Variants in CENPF observed in about 807,000 individuals in gnomAD.
CENPF encodes the protein centromere protein F.
CENPF carries 214 observed loss-of-function variants against 307.3 expected under a neutral mutation model. The observed-to-expected ratio is 0.70, with a 90% CI of 0.62 to 0.78. The LOEUF is 0.78. CENPF is among the 30% of genes least tolerant of loss of function. The pLI, the probability that CENPF is intolerant of heterozygous loss-of-function variation, is 0.00. For synonymous variants in CENPF, 1,259 were observed against 1,270.6 expected, an observed-to-expected ratio of 0.99 and a Z score of 0.19; for missense variants, 3,401 against 3,483.9, an observed-to-expected ratio of 0.98 and a Z score of 0.60.
chr1:214,609,443 C>T (rs893766674), intron 1 of CENPF, among the ~76,000 whole-genome samples: 1 of 152,036 alleles, frequency 6.6e-6, no homozygotes, highest in Non-Finnish European at 1.5e-5. Flanking sequence ...AGAAAAGTTT[C>T]CCAGAGGAAG....
At chr1:214,619,341 C>A in intron 5 of CENPF, 121 bp downstream of exon 5, 1 of 529,050 alleles carries the variant, frequency 1.9e-6, no homozygotes, top group Non-Finnish European at 3.4e-6. Context: ...TGTGTGTGTG[C>A]TGAGAAAAGG....
intron 1 of CENPF, among the ~76,000 whole-genome samples, chr1:214,609,814 A>C (rs1657151712): frequency 6.6e-6 from 1 of 152,084 alleles, no homozygotes; most frequent in Non-Finnish European, 1.5e-5. Flanking sequence ...TTCTTGCATT[A>C]GTTTGCTAAG....
intron 1 of CENPF, among the ~76,000 whole-genome samples, chr1:214,612,757 C>T (rs760556033): frequency 1.6e-4 from 24 of 152,256 alleles, no homozygotes; most frequent in Admixed American, 9.8e-4. Context: ...ATTGTTACAG[C>T]GCAACTAACA....
chr1:214,664,467 T>C lies in CENPF; in HGVS notation c.*673T>C, dbSNP rs1658867595. The C allele has an allele frequency of 6.6e-6, 1 of 152,248 alleles. No homozygotes were observed. The highest frequency in any genetic ancestry group is 1.5e-5 in the Non-Finnish European group (1 of 68,046). The allele number at this position is 152,248 out of a possible 1,614,324, so 9.4% of individuals were successfully genotyped here. A position where few individuals can be genotyped will look rare whatever the true frequency, so the allele number is the denominator to read the frequency against. Reference sequence around the variant, plus strand: ...TCTGTCGTTGTGCTTTTTTCTGTTTTTAGACCAATTTTTTACAGTTCTTTG... The same window carrying C: ...TCTGTCGTTGTGCTTTTTTCTGTTTCTAGACCAATTTTTTACAGTTCTTTG... On this transcript the variant is annotated 3_prime_UTR_variant, in exon 20 of 20. Coordinates refer to ENST00000366955, the MANE Select transcript of CENPF (RefSeq NM_016343.4).
rs946290190 is a variant in CENPF at position 214,651,903 on chromosome 1, G to T, written c.8160+17G>T. The T allele has an allele frequency of 6.3e-7, 1 of 1,578,780 alleles. No individual in the cohort carries two copies. Reference sequence around the variant, plus strand: ...AACAAACAGGTGAAATGTGGGGTTTGGTTACTGGGGGAGCTGGAGAGTGTA... The same window carrying T: ...AACAAACAGGTGAAATGTGGGGTTTTGTTACTGGGGGAGCTGGAGAGTGTA... On this transcript the variant is annotated intron_variant, in intron 15 of 19. Transcript: ENST00000366955.
Position 214,632,617 on chromosome 1 carries a change from T to C in CENPF, c.1446+15T>C. On this transcript the variant is annotated intron_variant, in intron 10 of 19. Coordinates refer to ENST00000366955, the MANE Select transcript of CENPF (RefSeq NM_016343.4). ...GAAGCATGGAGGTAAGGGAGGAGGATGCCGAATTTTCTCCACTTATGTAAG... is the reference window on the plus strand; with the variant it reads ...GAAGCATGGAGGTAAGGGAGGAGGACGCCGAATTTTCTCCACTTATGTAAG... 6.2e-7 allele frequency: 1 copy of C among 1,611,034 alleles called. No individual in the cohort carries two copies.
At chr1:214,633,781 C>G (rs535174742) in intron 10 of CENPF, among the ~76,000 whole-genome samples, 2 of 152,322 alleles carry the variant, frequency 1.3e-5, no homozygotes, top group East Asian at 3.9e-4. Context: ...CATCAGCAAA[C>G]GTTTTCAAAT....
In CENPF at chr1:214,643,091, G is replaced by A. The variant is rs777581291; in HGVS notation, c.4753G>A (p.Glu1585Lys). The A allele has an allele frequency of 2.5e-6, 4 of 1,608,244 alleles. No homozygotes were observed. The highest frequency in any genetic ancestry group is 1.7e-6 in the Non-Finnish European group (2 of 1,178,542). ...IMKNKEIQELEQLLSSERQEL... is the reference protein window; with the variant it reads ...IMKNKEIQELKQLLSSERQEL... ...GAAAAATAAGGAAATTCAAGAGCTC[G>A]AGCAGTTATTAAGTTCTGAAAGGCA... is the stretch of plus-strand genomic sequence containing the variant. Residue 1585 changes from glutamate (E) to lysine (K), a missense_variant, in exon 12 of 20, where the codon GAG becomes AAG. Coordinates refer to ENST00000366955, the MANE Select transcript of CENPF (RefSeq NM_016343.4).
At chr1:214,651,203 G>T (rs1000736157) in intron 14 of CENPF, among the ~76,000 whole-genome samples, 1 of 152,140 alleles carries the variant, frequency 6.6e-6, no homozygotes, top group Non-Finnish European at 1.5e-5. Context: ...ATGCTTCCAG[G>T]GTTGGAGTTT....
intron 3 of CENPF, among the ~76,000 whole-genome samples, chr1:214,617,765 T>C (rs1245170816): frequency 1.3e-5 from 2 of 152,224 alleles, no homozygotes; most frequent in African/African-American, 4.8e-5. Flanking sequence ...ATTCTCACGA[T>C]TTGAGCCCAT....
At chr1:214,655,704 C>T (rs1658613278) in intron 17 of CENPF, among the ~76,000 whole-genome samples, 1 of 152,154 alleles carries the variant, frequency 6.6e-6, no homozygotes, top group South Asian at 2.1e-4. Context: ...GATCCTCCCA[C>T]CTCAGCCTCC....
At position 214,664,519 on chromosome 1, in the gene CENPF, A is replaced by AT. The variant is rs1036661831; in HGVS notation, c.*727dup. 2.2e-4 allele frequency: 33 copies of AT among 152,252 alleles called. No homozygotes were observed. The highest frequency in any genetic ancestry group is 7.7e-4 in the African/African-American group (32 of 41,536). The allele number at this position is 152,252 out of a possible 1,614,324, so 9.4% of individuals were successfully genotyped here. ...TAAGCATTGTCGTATCTGGTGATGGATTAACATATAGCCTTTGTTTTCTAA... is the reference window on the plus strand; with the variant it reads ...TAAGCATTGTCGTATCTGGTGATGGATTTAACATATAGCCTTTGTTTTCTAA... On this transcript the variant is annotated 3_prime_UTR_variant, in exon 20 of 20. Transcript: ENST00000366955.
rs891054620 is a variant in CENPF at position 214,646,987 on chromosome 1, A to G, written c.7417A>G (p.Ser2473Gly). ...TAAGGCCAAAGAGCAGAATCTTAGTAGTCAAGTAGAGTGTCTTGAACTTGA... is the reference window on the plus strand; with the variant it reads ...TAAGGCCAAAGAGCAGAATCTTAGTGGTCAAGTAGAGTGTCTTGAACTTGA... ...ACKAKEQNLS[S>G]QVECLELEKA... Residue 2473 changes from serine (S) to glycine (G), a missense_variant, in exon 13 of 20, where the codon AGT becomes GGT. By Grantham distance (56) the Ser-to-Gly change is moderately conservative (BLOSUM62 0). Coordinates refer to ENST00000366955, the MANE Select transcript of CENPF (RefSeq NM_016343.4). 6 of 1,613,870 alleles carry G rather than the reference A, an allele frequency of 3.7e-6. No individual in the cohort carries two copies. Among genetic ancestry groups the G allele is most frequent in the Non-Finnish European group, 5.1e-6 (6 of 1,179,960 alleles).
chr1:214,619,152 G>C lies in CENPF; in HGVS notation c.505G>C (p.Glu169Gln), dbSNP rs1657437395. ...AGGTTCCAAGTATGAAGATCTAAAA[G>C]AAAAATATAATAAAGAGGTTGAAGA... ...YSGSKYEDLK[E>Q]KYNKEVEERK... Residue 169 changes from glutamate (E) to glutamine (Q), a missense_variant, in exon 5 of 20, where the codon GAA becomes CAA. Physicochemically the swap from Glu to Gln is conservative, Grantham distance 29. Transcript: ENST00000366955. The C allele has an allele frequency of 6.4e-7, 1 of 1,561,120 alleles. No individual in the cohort carries two copies. The highest frequency in any genetic ancestry group is 8.8e-7 in the Non-Finnish European group (1 of 1,138,000).
intron 12 of CENPF, 132 bp downstream of exon 12, chr1:214,643,456 C>A (rs759849262): frequency 3.9e-6 from 3 of 769,166 alleles, no homozygotes; most frequent in Admixed American, 3.6e-5. Context: ...ATAAAATACA[C>A]CAAAATATTT....
chr1:214,637,196 G>A (rs1657986687), intron 10 of CENPF, among the ~76,000 whole-genome samples: 1 of 152,154 alleles, frequency 6.6e-6, no homozygotes, highest in Non-Finnish European at 1.5e-5. Flanking sequence ...ATTTCCCATA[G>A]CACACTCAAT....
In CENPF at chr1:214,641,771, G is replaced by A. The variant is rs770901788; in HGVS notation, c.3433G>A (p.Glu1145Lys). The change falls in exon 12 of 20, where the codon GAA becomes AAA. Residue 1145 changes from glutamate (E) to lysine (K), a missense_variant. Glu to Lys is a moderately conservative substitution (Grantham distance 56, BLOSUM62 1). Coordinates refer to ENST00000366955, the MANE Select transcript of CENPF (RefSeq NM_016343.4). The stretch of plus-strand genomic sequence containing the variant: ...GGAAGAACAAAACAAAATGCAAAAG[G>A]AAGTTAATGACTTATTACAAGAGAA... Reference protein sequence around the residue: ...LKEEQNKMQKEVNDLLQENEQ... With the variant: ...LKEEQNKMQKKVNDLLQENEQ... The A allele has an allele frequency of 6.9e-6, 11 of 1,588,542 alleles. No individual in the cohort carries two copies. The highest frequency in any genetic ancestry group is 1.9e-5 in the Admixed American group (1 of 52,510).
In CENPF at chr1:214,642,722, A is replaced by G. The variant is rs781025043; in HGVS notation, c.4384A>G (p.Lys1462Glu). ...NLRNFQGDLVKEMQLGLEEGL... is the reference protein window; with the variant it reads ...NLRNFQGDLVEEMQLGLEEGL... ...GAGAAACTTTCAAGGTGACTTGGTG[A>G]AGGAGATGCAGCTGGGCTTGGAGGA... The change falls in exon 12 of 20, where the codon AAG becomes GAG. Residue 1462 changes from lysine (K) to glutamate (E), a missense_variant. Physicochemically the swap from Lys to Glu is moderately conservative, Grantham distance 56. Transcript: ENST00000366955. The G allele has an allele frequency of 6.2e-7, 1 of 1,614,124 alleles. No individual in the cohort carries two copies. The highest frequency in any genetic ancestry group is 2.2e-5 in the East Asian group (1 of 44,872).
At chr1:214,636,385 G>A (rs1253482504) in intron 10 of CENPF, among the ~76,000 whole-genome samples, 2 of 152,162 alleles carry the variant, frequency 1.3e-5, no homozygotes, top group Admixed American at 6.5e-5. Flanking sequence ...TCTTGAGATC[G>A]GTTGGAGCTG....
Sources: allele counts gnomAD v4.1 joint callset (sites outside exome capture counted in the v4.1 genomes callset), GRCh38; gene constraint gnomAD v4.1.1; transcripts MANE v1.5; gene names NCBI Gene and HGNC (gene_info 2026-07-23, HGNC 2026-07-21).